MYH7B: variants seen among roughly 807,000 people sequenced by gnomAD.
MYH7B encodes the protein myosin-7B.
MYH7B carries 205 observed loss-of-function variants against 234.5 expected under a neutral mutation model. The ratio of observed to expected loss-of-function variants is 0.87; its 90% confidence interval spans 0.78 to 0.98. The LOEUF (loss-of-function observed/expected upper bound fraction) is 0.98. Among genes scored for constraint, MYH7B ranks in the 50% least tolerant of loss-of-function variants. The pLI is 0.00. For synonymous variants in MYH7B, 1,193 were observed against 1,105.0 expected, an observed-to-expected ratio of 1.08 and a Z score of -1.58; for missense variants, 2,652 against 2,633.4, an observed-to-expected ratio of 1.01 and a Z score of -0.15.
chr20:34,987,676 G>A lies in MYH7B; in HGVS notation c.1266+1G>A, dbSNP rs768877218. 1 of 1,612,776 alleles carries A rather than the reference G, an allele frequency of 6.2e-7. No homozygotes were observed. The highest frequency in any genetic ancestry group is 1.7e-5 in the Admixed American group (1 of 59,966). ...GACCAAGGGCCAGAGTGTGGAGCAG[G>A]TGAGCTGCCTGCAGGCCAAACCCAT... On this transcript the variant is annotated splice_donor_variant, in intron 17 of 44. Coordinates refer to ENST00000262873, the Ensembl canonical transcript of MYH7B. LOFTEE classifies it high-confidence loss of function.
intron 18 of MYH7B, 53 bp downstream of exon 18, chr20:34,987,967 G>A: frequency 6.4e-7 from 1 of 1,558,440 alleles, no homozygotes; most frequent in Middle Eastern, 2.1e-4. Context: ...AGAGGACATG[G>A]GCCTGTGGGG....
intron 3 of MYH7B, among the ~76,000 whole-genome samples, chr20:34,977,152 CCTT>C (rs2081867741): frequency 1.3e-5 from 2 of 148,916 alleles, no homozygotes; most frequent in Non-Finnish European, 3.0e-5. Context: ...CCTTCTCTCT[CCTT>C]CTCTTTTTGA....
intron 41 of MYH7B, 38 bp from the exon 42 acceptor site, chr20:35,001,207 G>C: frequency 1.2e-6 from 2 of 1,606,648 alleles, no homozygotes; most frequent in East Asian, 2.2e-5. Flanking sequence ...GGGTGACCCA[G>C]GGGTGGGCTT....
At chr20:34,993,534 G>T in intron 26 of MYH7B, 64 bp downstream of exon 26, 6 of 1,461,242 alleles carry the variant, frequency 4.1e-6, no homozygotes, top group Non-Finnish European at 4.5e-6. Context: ...CAGACCCACT[G>T]GCTCTCCCAA....
chr20:34,977,557 T>C, intron 3 of MYH7B, 75 bp from the exon 4 acceptor site: 1 of 1,428,954 alleles, frequency 7.0e-7, no homozygotes, highest in Non-Finnish European at 9.7e-7. Context: ...TTGCCTTTTG[T>C]GTCCTGTGGC....
intron 2 of MYH7B, among the ~76,000 whole-genome samples, chr20:34,971,433 G>A (rs2081793087): frequency 6.7e-6 from 1 of 148,800 alleles, no homozygotes; most frequent in African/African-American, 2.5e-5. Flanking sequence ...AATCCATGCT[G>A]AGGCATCTCT....
At chr20:34,978,939 G>T (rs2081898318) in intron 5 of MYH7B, among the ~76,000 whole-genome samples, 1 of 152,102 alleles carries the variant, frequency 6.6e-6, no homozygotes, top group Non-Finnish European at 1.5e-5. Context: ...TGGCCAGGCA[G>T]GAGAGCACAG....
intron 3 of MYH7B, 52 bp from the exon 4 acceptor site, chr20:34,977,580 G>C (rs1352458933): frequency 2.0e-6 from 3 of 1,537,750 alleles, no homozygotes; most frequent in East Asian, 2.3e-5. Context: ...GGCTGGGGGG[G>C]CTGTGACACG....
chr20:34,978,082 C>G (rs2081885575), exon 5 of MYH7B: 1 of 1,613,928 alleles, frequency 6.2e-7, no homozygotes, highest in African/African-American at 1.3e-5. Flanking sequence ...AAGGTGCACA[C>G]TATCCCATGG....
chr20:34,986,589 G>A (rs1474054713), intron 14 of MYH7B, among the ~76,000 whole-genome samples: 5 of 152,200 alleles, frequency 3.3e-5, no homozygotes, highest in Admixed American at 2.0e-4. Flanking sequence ...AGGGGGCCAT[G>A]AGCAACAGTC....
At chr20:34,979,989 G>C (rs944601570) in intron 7 of MYH7B, 185 bp downstream of exon 7, 1 of 651,360 alleles carries the variant, frequency 1.5e-6, no homozygotes, top group Non-Finnish European at 2.6e-6. Context: ...GCTCTGAGCA[G>C]TGGGGGCGGG....
intron 1 of MYH7B, among the ~76,000 whole-genome samples, chr20:34,956,615 G>A (rs1173996724): frequency 6.6e-6 from 1 of 152,226 alleles, no homozygotes. Flanking sequence ...AGTCTGATAA[G>A]ATAGGCAATA....
chr20:34,957,787 GC>G (rs1037554958), intron 1 of MYH7B, among the ~76,000 whole-genome samples: 1 of 152,164 alleles, frequency 6.6e-6, no homozygotes, highest in African/African-American at 2.4e-5. Context: ...ACTGCGCCCG[GC>G]CCCTTTTGAC....
intron 2 of MYH7B, among the ~76,000 whole-genome samples, chr20:34,969,441 CA>C (rs2081772476): frequency 6.6e-6 from 1 of 152,072 alleles, no homozygotes; most frequent in African/African-American, 2.4e-5. Context: ...GGGTGACTTC[CA>C]AAGGCAGTCC....
At position 34,979,836 on chromosome 20, in the gene MYH7B, G is replaced by A. The variant is rs779295929; in HGVS notation, c.342+32G>A. On this transcript the variant is annotated intron_variant, in intron 7 of 44. Transcript: ENST00000262873. Reference sequence around the variant, plus strand: ...CCCAGGCCCGGGCCATGGGCGGGGTGGGGCTTGTATGTGGGGCGGGGCTAG... The same window carrying A: ...CCCAGGCCCGGGCCATGGGCGGGGTAGGGCTTGTATGTGGGGCGGGGCTAG... 14 of 1,605,336 alleles carry A rather than the reference G, an allele frequency of 8.7e-6. No individual in the cohort carries two copies. In the African/African-American group the frequency reaches 1.9e-4, roughly 21 times the overall value.
At chr20:35,000,522 G>A in exon 39 of MYH7B, 2 of 1,594,012 alleles carry the variant, frequency 1.3e-6, no homozygotes, top group Non-Finnish European at 1.7e-6. Flanking sequence ...GCAGCGGCTG[G>A]CAGCTGAGCT....
chr20:34,991,752 C>T (rs976183535), intron 24 of MYH7B, among the ~76,000 whole-genome samples: 4 of 152,190 alleles, frequency 2.6e-5, no homozygotes, highest in Non-Finnish European at 4.4e-5. Context: ...CGTTCCTTCT[C>T]CCTCCAGAAG....
intron 22 of MYH7B, 149 bp from the exon 23 acceptor site, chr20:34,990,589 G>A (rs575621747): frequency 6.1e-4 from 477 of 778,576 alleles, no homozygotes; most frequent in Admixed American, 1.4e-3. Context: ...GGGAGACAGC[G>A]AAGGGTCTCC....
At chr20:34,993,775 T>G (rs1569053907) in intron 26 of MYH7B, among the ~76,000 whole-genome samples, 1 of 152,254 alleles carries the variant, frequency 6.6e-6, no homozygotes, top group Non-Finnish European at 1.5e-5. Flanking sequence ...ATTATCCTGG[T>G]TAAAGCGCTG....
Sources: allele counts gnomAD v4.1 joint callset (sites outside exome capture counted in the v4.1 genomes callset), GRCh38; gene constraint gnomAD v4.1.1; transcripts MANE v1.5; gene names NCBI Gene and HGNC (gene_info 2026-07-23, HGNC 2026-07-21).